The following LIN7A variants were observed in gnomAD, a reference collection of about 807,000 sequenced individuals.
The protein encoded by LIN7A is protein lin-7 homolog A.
Under a neutral mutation model 29.8 loss-of-function variants are expected in LIN7A, and 25 were observed. The observed-to-expected ratio is 0.84, with a 90% CI of 0.61 to 1.17. The LOEUF is 1.17. Ranked by LOEUF, LIN7A falls within the 50% of genes most tolerant of loss-of-function variation. LIN7A has a pLI of 0.00. For missense variants in LIN7A, 239 were observed against 287.0 expected (o/e 0.83, Z 1.21); for synonymous variants, 118 against 107.5 (o/e 1.10, Z -0.60).
intron 5 of LIN7A, among the ~76,000 whole-genome samples, chr12:80,800,280 G>A (rs1592841913): frequency 6.6e-6 from 1 of 151,794 alleles, no homozygotes; most frequent in African/African-American, 2.4e-5. Flanking sequence ...ATCTGAGGTC[G>A]GGAGTTTGAG....
At chr12:80,815,564 C>A (rs980382190) in intron 4 of LIN7A, among the ~76,000 whole-genome samples, 2 of 152,170 alleles carry the variant, frequency 1.3e-5, no homozygotes, top group South Asian at 4.1e-4. Context: ...GCTGTATATA[C>A]AAGCACTCCT....
At chr12:80,820,658 C>CACACACA (rs1555222245) in intron 4 of LIN7A, among the ~76,000 whole-genome samples, 1 of 151,706 alleles carries the variant, frequency 6.6e-6, no homozygotes, top group African/African-American at 2.4e-5. Flanking sequence ...CACACACACA[C>CACACACA]CCATCTTCAG....
intron 1 of LIN7A, among the ~76,000 whole-genome samples, chr12:80,907,053 CTCTGTGTGTGTGTGTGTGTGTG>C (rs1876516379): frequency 1.5e-5 from 2 of 132,950 alleles, no homozygotes; most frequent in South Asian, 5.2e-4. Context: ...AGAGTGCGTG[CTCTGTGTGTGTGTGTGTGTGTG>C]TGTGTGTGTG....
rs1040951050 is a variant in LIN7A at position 80,917,466 on chromosome 12, T to C, written c.82+20175A>G. On this transcript the variant is annotated intron_variant, in intron 1 of 5. Coordinates refer to ENST00000552864, the MANE Select transcript of LIN7A (RefSeq NM_004664.4). ...AAAAGCCATTTCAGAAATAAGGCTA[T>C]AGCATCAGTTTAAATGAAAATGGTG... Among the ~76,000 whole-genome samples the C allele has an allele frequency of 4.6e-5, 7 of 152,322 alleles. No homozygotes were observed. In the South Asian group the frequency reaches 1.2e-3, roughly 27 times the overall value.
chr12:80,848,471 G>T, intron 2 of LIN7A, 149 bp from the exon 3 acceptor site: 1 of 610,794 alleles, frequency 1.6e-6, no homozygotes, highest in Non-Finnish European at 2.9e-6. Context: ...GTACCTGATA[G>T]CACTCCTTAA....
intron 4 of LIN7A, among the ~76,000 whole-genome samples, chr12:80,832,183 A>G (rs1009084710): frequency 6.6e-6 from 1 of 152,240 alleles, no homozygotes; most frequent in Admixed American, 6.5e-5. Context: ...AATTAGGAGT[A>G]GTGCATCCAT....
chr12:80,804,605 C>A (rs1870881982), intron 5 of LIN7A, among the ~76,000 whole-genome samples: 1 of 151,634 alleles, frequency 6.6e-6, no homozygotes, highest in Non-Finnish European at 1.5e-5. Flanking sequence ...GTGGCATGAA[C>A]CTGGCTCACT....
chr12:80,920,784 C>T (rs2120870856), intron 1 of LIN7A, among the ~76,000 whole-genome samples: 1 of 152,172 alleles, frequency 6.6e-6, no homozygotes, highest in South Asian at 2.1e-4. Flanking sequence ...CTTGTTAGTA[C>T]ATGAAAGACA....
At chr12:80,845,683 A>G (rs1275996525) in intron 4 of LIN7A, 47 bp downstream of exon 4, 1 of 1,513,634 alleles carries the variant, frequency 6.6e-7, no homozygotes, top group Non-Finnish European at 9.0e-7. Flanking sequence ...GGGCAAAAAA[A>G]AAGAATGTGC....
Position 80,937,757 on chromosome 12 carries a change from A to C in LIN7A, c.-35T>G. On this transcript the variant is annotated 5_prime_UTR_variant, in exon 1 of 6. Transcript: ENST00000552864. ...CTCGTAGTGAGAAAAAAAGGAGGAG[A>C]TTGGGGGCGGGGGTGGAGAGGGAAG... 4.6e-6 allele frequency: 1 copy of C among 217,190 alleles called. No individual in the cohort carries two copies. The highest frequency in any genetic ancestry group is 8.2e-6 in the Non-Finnish European group (1 of 121,806). The allele number at this position is 217,190 out of a possible 1,614,324, so 13.5% of individuals were successfully genotyped here. A position where few individuals can be genotyped will look rare whatever the true frequency, so the allele number is the denominator to read the frequency against.
chr12:80,793,881 G>C lies in LIN7A; in HGVS notation c.*3846C>G, dbSNP rs1476231495. On this transcript the variant is annotated 3_prime_UTR_variant, in exon 6 of 6. Transcript: ENST00000552864. The stretch of plus-strand genomic sequence containing the variant: ...AATTTAAAAATGGGGTTTTATGTTT[G>C]AATCATTCCTGCCAGATAATTCAGG... The C allele has an allele frequency of 6.6e-6, 1 of 152,088 alleles. No homozygotes were observed. Among genetic ancestry groups the C allele is most frequent in the African/African-American group, 2.4e-5 (1 of 41,424 alleles). The allele number at this position is 152,088 out of a possible 1,614,324, so 9.4% of individuals were successfully genotyped here.
chr12:80,853,545 A>G (rs767915674), intron 2 of LIN7A, among the ~76,000 whole-genome samples: 8 of 152,196 alleles, frequency 5.3e-5, no homozygotes, highest in Non-Finnish European at 8.8e-5. Flanking sequence ...TGGGTAGCAA[A>G]TATGAAAAGA....
intron 5 of LIN7A, among the ~76,000 whole-genome samples, chr12:80,810,199 C>T (rs545609802): frequency 6.6e-6 from 1 of 152,162 alleles, no homozygotes; most frequent in Non-Finnish European, 1.5e-5. Context: ...AGCCTCCCAG[C>T]CTCTGGAAAC....
At chr12:80,927,895 C>G (rs1877689752) in intron 1 of LIN7A, among the ~76,000 whole-genome samples, 1 of 151,978 alleles carries the variant, frequency 6.6e-6, no homozygotes, top group Admixed American at 6.6e-5. Flanking sequence ...GTGTGATGTT[C>G]CCCACCCTGT....
chr12:80,893,332 C>A (rs1422681430), intron 1 of LIN7A, among the ~76,000 whole-genome samples: 1 of 152,146 alleles, frequency 6.6e-6, no homozygotes, highest in Non-Finnish European at 1.5e-5. Flanking sequence ...GACCTACTAC[C>A]ACAGACCAAT....
chr12:80,828,171 A>C (rs1017025259), intron 4 of LIN7A, among the ~76,000 whole-genome samples: 1 of 152,336 alleles, frequency 6.6e-6, no homozygotes, highest in Middle Eastern at 3.4e-3. Flanking sequence ...TCAATTTGGC[A>C]ATATCTATTA....
chr12:80,827,417 C>T (rs554114509), intron 4 of LIN7A, among the ~76,000 whole-genome samples: 3 of 150,686 alleles, frequency 2.0e-5, no homozygotes, highest in Non-Finnish European at 3.0e-5. Context: ...AAAACATTTC[C>T]TTCACAGAAG....
At chr12:80,843,186 A>G (rs1489177219) in intron 4 of LIN7A, among the ~76,000 whole-genome samples, 3 of 152,196 alleles carry the variant, frequency 2.0e-5, no homozygotes, top group South Asian at 2.1e-4. Flanking sequence ...GGATATTACA[A>G]TCTTGGAGAC....
intron 1 of LIN7A, among the ~76,000 whole-genome samples, chr12:80,906,471 T>C (rs1166432429): frequency 3.9e-5 from 6 of 152,058 alleles, no homozygotes; most frequent in Non-Finnish European, 8.8e-5. Flanking sequence ...TGTCTTTGAG[T>C]TTATGGTTTT....
Sources: gnomAD v4.1 joint callset for allele counts (sites outside exome capture counted in the v4.1 genomes callset) on GRCh38, gnomAD v4.1.1 for gene constraint, MANE v1.5 for transcripts, NCBI Gene and HGNC (gene_info 2026-07-23, HGNC 2026-07-21) for gene names.